The following KLHL29 variants were observed in gnomAD, a reference collection of about 807,000 sequenced individuals.
The protein encoded by KLHL29 is kelch-like protein 29.
Under a neutral mutation model 80.4 loss-of-function variants are expected in KLHL29, and 21 were observed. The observed-to-expected ratio is 0.26, with a 90% CI of 0.19 to 0.38. KLHL29 has a LOEUF of 0.38. Among genes scored for constraint, KLHL29 ranks in the 10% least tolerant of loss-of-function variants. The probability of loss-of-function intolerance (pLI) is 1.00; values close to 1 mark genes in which losing one functional copy is unlikely to be tolerated. For synonymous variants in KLHL29, 511 were observed against 526.8 expected, an observed-to-expected ratio of 0.97 and a Z score of 0.41; for missense variants, 867 against 1,223.9, an observed-to-expected ratio of 0.71 and a Z score of 4.35.
intron 1 of KLHL29, among the ~76,000 whole-genome samples, chr2:23,446,204 GT>G (rs11421477): frequency 5.1e-4 from 74 of 144,090 alleles, no homozygotes; most frequent in East Asian, 3.0e-3. Flanking sequence ...TGCATTTGGA[GT>G]TTTTTTTTTT....
In KLHL29 at chr2:23,591,464, C is replaced by T. The variant is rs1668258578; in HGVS notation, c.285+28983C>T. On this transcript the variant is annotated intron_variant, in intron 3 of 13. Transcript: ENST00000486442. ...TTCCCCCACGTGACTCTTCACATCT[C>T]AGCCTCCCCCTGGGTTTCCTGATGT... Among the ~76,000 whole-genome samples the T allele has an allele frequency of 4.0e-5, 6 of 151,520 alleles. No homozygotes were observed. The South Asian group carries it at 1.3e-3, about 32-fold the overall frequency.
intron 3 of KLHL29, among the ~76,000 whole-genome samples, chr2:23,595,430 C>T (rs958269667): frequency 6.6e-6 from 1 of 152,244 alleles, no homozygotes; most frequent in African/African-American, 2.4e-5. Context: ...GCTGATATTC[C>T]TGACCCAAGG....
chr2:23,609,915 C>CA (rs1167655757), intron 3 of KLHL29, among the ~76,000 whole-genome samples: 1 of 152,184 alleles, frequency 6.6e-6, no homozygotes, highest in Non-Finnish European at 1.5e-5. Context: ...CCTGACCCCC[C>CA]ACTTCTTTCC....
At position 23,584,627 on chromosome 2, in the gene KLHL29, G is replaced by A. The variant is rs55866173; in HGVS notation, c.285+22146G>A. 2.4e-3 allele frequency among the ~76,000 whole-genome samples: 361 copies of A among 152,336 alleles called. 1 individual carries two copies. The highest frequency in any genetic ancestry group is 8.1e-3 in the African/African-American group (336 of 41,576). On this transcript the variant is annotated intron_variant, in intron 3 of 13. Coordinates refer to ENST00000486442, the MANE Select transcript of KLHL29 (RefSeq NM_052920.2). Reference sequence around the variant, plus strand: ...TGGAGAAAGTGCCTAGACTTACTCTGGGCACAGAGGCTGGGGCGGAGGGGG... The same window carrying A: ...TGGAGAAAGTGCCTAGACTTACTCTAGGCACAGAGGCTGGGGCGGAGGGGG...
intron 8 of KLHL29, 138 bp downstream of exon 8, chr2:23,693,666 A>G: frequency 1.1e-6 from 1 of 917,376 alleles, no homozygotes; most frequent in Non-Finnish European, 1.6e-6. Context: ...AAGGGCGGGC[A>G]GAGAGGTGAG....
At chr2:23,409,013 TA>T (rs1198592956) in intron 1 of KLHL29, among the ~76,000 whole-genome samples, 2 of 152,110 alleles carry the variant, frequency 1.3e-5, no homozygotes, top group Non-Finnish European at 2.9e-5. Flanking sequence ...GGGCTAATCA[TA>T]AAGAATAATT....
At chr2:23,622,786 C>T (rs934783498) in intron 3 of KLHL29, among the ~76,000 whole-genome samples, 5 of 152,244 alleles carry the variant, frequency 3.3e-5, no homozygotes, top group Non-Finnish European at 5.9e-5. Context: ...ATAGCACCCA[C>T]GTGTTCCAGG....
At chr2:23,694,823 T>A (rs1415258240) in intron 8 of KLHL29, among the ~76,000 whole-genome samples, 1 of 152,160 alleles carries the variant, frequency 6.6e-6, no homozygotes, top group African/African-American at 2.4e-5. Flanking sequence ...CAAAACCTCT[T>A]ACTCCTGCAC....
intron 6 of KLHL29, among the ~76,000 whole-genome samples, chr2:23,687,250 G>C (rs1671303339): frequency 6.6e-6 from 1 of 152,110 alleles, no homozygotes; most frequent in African/African-American, 2.4e-5. Context: ...GGCCCTCCCT[G>C]GGTGAGCCCT....
intron 2 of KLHL29, among the ~76,000 whole-genome samples, chr2:23,555,450 C>G (rs560636666): frequency 8.1e-4 from 124 of 152,356 alleles, no homozygotes; most frequent in Admixed American, 1.6e-3. Flanking sequence ...CCCCTGGGGA[C>G]AGGGTGGCCC....
At chr2:23,564,800 C>A (rs752537658) in intron 3 of KLHL29, among the ~76,000 whole-genome samples, 2 of 152,228 alleles carry the variant, frequency 1.3e-5, no homozygotes, top group African/African-American at 4.8e-5. Context: ...GGGGAGCTCA[C>A]GGCTCCTTGT....
At chr2:23,671,010 A>T (rs1426790173) in intron 5 of KLHL29, among the ~76,000 whole-genome samples, 2 of 45,410 alleles carry the variant, frequency 4.4e-5, no homozygotes, top group East Asian at 1.1e-3. Context: ...CCCCCCCCCC[A>T]CCTCCTCCCT....
rs546169116 is a variant in KLHL29, at chr2:23,578,471, A to T, written c.285+15990A>T. 5.9e-5 allele frequency among the ~76,000 whole-genome samples: 9 copies of T among 152,346 alleles called. No homozygotes were observed. In the East Asian group the frequency reaches 1.7e-3, roughly 29 times the overall value. On this transcript the variant is annotated intron_variant, in intron 3 of 13. Coordinates refer to ENST00000486442, the MANE Select transcript of KLHL29 (RefSeq NM_052920.2). ...TGTGGGGAAAATTAAATGAATTAAT[A>T]ATACAAAGCACTTACATCAGTGTCT... is the stretch of plus-strand genomic sequence containing the variant.
chr2:23,443,696 A>G (rs1251167200), intron 1 of KLHL29, among the ~76,000 whole-genome samples: 4 of 152,262 alleles, frequency 2.6e-5, no homozygotes, highest in Non-Finnish European at 4.4e-5. Flanking sequence ...ATATTTTTAT[A>G]AATGATACCA....
At chr2:23,489,675 C>T (rs1465553579) in intron 2 of KLHL29, among the ~76,000 whole-genome samples, 1 of 151,896 alleles carries the variant, frequency 6.6e-6, no homozygotes, top group Non-Finnish European at 1.5e-5. Flanking sequence ...TGGCAAGGCC[C>T]TTCCTGCAGG....
intron 2 of KLHL29, among the ~76,000 whole-genome samples, chr2:23,560,299 T>C (rs1210051219): frequency 2.2e-5 from 3 of 137,604 alleles, no homozygotes; most frequent in African/African-American, 8.6e-5. Flanking sequence ...TGAGACGGAG[T>C]CTTGCTCTGT....
At chr2:23,580,073 T>TA (rs1423749222) in intron 3 of KLHL29, among the ~76,000 whole-genome samples, 2 of 152,122 alleles carry the variant, frequency 1.3e-5, no homozygotes, top group Non-Finnish European at 2.9e-5. Context: ...AAATTCCACG[T>TA]AAAAAATCTA....
intron 3 of KLHL29, among the ~76,000 whole-genome samples, chr2:23,566,637 C>G (rs1433301213): frequency 1.3e-5 from 2 of 152,230 alleles, no homozygotes; most frequent in African/African-American, 4.8e-5. Flanking sequence ...CTGCTAAGAG[C>G]TTCAAGCTTT....
In KLHL29 at chr2:23,452,355, A is replaced by G. The variant is rs115153461; in HGVS notation, c.-153-23205A>G. On this transcript the variant is annotated intron_variant, in intron 1 of 13. Coordinates refer to ENST00000486442, the MANE Select transcript of KLHL29 (RefSeq NM_052920.2). ...CAGCAGTCTCATGAACTGAGTAAGA[A>G]CTCACTCATCACCAAGGGGATGGTG... Among the ~76,000 whole-genome samples the G allele has an allele frequency of 9.0e-3, 1,373 of 151,844 alleles. 24 individuals are homozygous for G. Among genetic ancestry groups the G allele is most frequent in the African/African-American group, 0.032 (1,328 of 41,384 alleles).
Sources: gnomAD v4.1 joint callset for allele counts (sites outside exome capture counted in the v4.1 genomes callset) on GRCh38, gnomAD v4.1.1 for gene constraint, MANE v1.5 for transcripts, NCBI Gene and HGNC (gene_info 2026-07-23, HGNC 2026-07-21) for gene names.